The following REDIC1 variants were observed in gnomAD, a reference collection of about 807,000 sequenced individuals.
REDIC1 encodes the protein HEI10 Interacting Protein 1.
chr12:39,875,473 C>T, the REDIC1 span, among the ~76,000 whole-genome samples: 1 of 152,208 alleles, frequency 6.6e-6, no homozygotes, highest in Non-Finnish European at 1.5e-5. Flanking sequence ...ACCTTAATTT[C>T]CTTTTGCCAT....
chr12:39,897,026 C>G, the REDIC1 span, among the ~76,000 whole-genome samples: 5 of 152,134 alleles, frequency 3.3e-5, no homozygotes, highest in African/African-American at 1.2e-4. Flanking sequence ...AAGAGACCAA[C>G]AAGTTCTAAC....
chr12:39,628,315 AT>A, the REDIC1 span, among the ~76,000 whole-genome samples: 5 of 152,130 alleles, frequency 3.3e-5, no homozygotes, highest in African/African-American at 1.2e-4. Context: ...GGGTGTCTCC[AT>A]TTTCTATTTT....
chr12:39,794,018 C>T, the REDIC1 span, among the ~76,000 whole-genome samples: 3 of 149,740 alleles, frequency 2.0e-5, no homozygotes, highest in Non-Finnish European at 4.4e-5. Context: ...CTAATACCTA[C>T]TTTCTTGTTC....
chr12:39,733,586 T>G, the REDIC1 span, among the ~76,000 whole-genome samples: 20 of 152,202 alleles, frequency 1.3e-4, no homozygotes, highest in Non-Finnish European at 2.8e-4. Flanking sequence ...TGCCTTTCTT[T>G]CAGAGATGCC....
the REDIC1 span, among the ~76,000 whole-genome samples, chr12:39,886,593 A>G: frequency 6.6e-6 from 1 of 152,012 alleles, no homozygotes; most frequent in African/African-American, 2.4e-5. Flanking sequence ...TTAGGGAGAT[A>G]TTTCTGAGTT....
At chr12:39,662,325 GT>G in the REDIC1 span, among the ~76,000 whole-genome samples, 1 of 151,894 alleles carries the variant, frequency 6.6e-6, no homozygotes, top group Non-Finnish European at 1.5e-5. Flanking sequence ...AATATTTGTA[GT>G]TTCCTTTGTA....
At chr12:39,808,494 T>C in the REDIC1 span, among the ~76,000 whole-genome samples, 1 of 152,132 alleles carries the variant, frequency 6.6e-6, no homozygotes, top group East Asian at 1.9e-4. Context: ...ATGGAAAAGA[T>C]GTGATTAACT....
chr12:39,846,194 C>T, the REDIC1 span, among the ~76,000 whole-genome samples: 2 of 152,116 alleles, frequency 1.3e-5, no homozygotes, highest in Admixed American at 6.5e-5. Flanking sequence ...TCTAGAAAAA[C>T]CAAGGTGGTG....
At chr12:39,788,474 G>A in the REDIC1 span, 2 of 152,140 alleles carry the variant, frequency 1.3e-5, no homozygotes, top group African/African-American at 4.8e-5. Flanking sequence ...CACATCCCAG[G>A]TGGGACTGAG....
the REDIC1 span, among the ~76,000 whole-genome samples, chr12:39,711,897 A>C: frequency 4.2e-3 from 354 of 83,364 alleles, 7 homozygotes; most frequent in African/African-American, 0.019. Context: ...ATGTGTATAC[A>C]CGTATACACA....
chr12:39,738,151 A>C, the REDIC1 span, among the ~76,000 whole-genome samples: 1 of 152,198 alleles, frequency 6.6e-6, no homozygotes, highest in African/African-American at 2.4e-5. Flanking sequence ...AGAATTTGAC[A>C]TTTTAAATAT....
At chr12:39,721,377 C>T in the REDIC1 span, 2 of 758,154 alleles carry the variant, frequency 2.6e-6, no homozygotes, top group African/African-American at 1.8e-5. Context: ...TGACAGTGTT[C>T]AGGGTGTATA....
At chr12:39,854,022 C>G in the REDIC1 span, among the ~76,000 whole-genome samples, 1 of 151,904 alleles carries the variant, frequency 6.6e-6, no homozygotes, top group Admixed American at 6.6e-5. Context: ...GGGCTTAAAA[C>G]TCTTCTCTTT....
chr12:39,716,870 T>C, the REDIC1 span: 33 of 1,359,406 alleles, frequency 2.4e-5, no homozygotes, highest in Non-Finnish European at 3.2e-5. Context: ...TATTAATACA[T>C]GCTATATTAA....
the REDIC1 span, among the ~76,000 whole-genome samples, chr12:39,636,449 T>C: frequency 6.6e-6 from 1 of 152,214 alleles, no homozygotes; most frequent in East Asian, 1.9e-4. Flanking sequence ...TGCTTTAGTT[T>C]TGTGGAAAGC....
chr12:39,745,219 T>A, the REDIC1 span, among the ~76,000 whole-genome samples: 2 of 152,224 alleles, frequency 1.3e-5, no homozygotes, highest in Non-Finnish European at 1.5e-5. Flanking sequence ...GTTGTCAGTA[T>A]GTCAGTGATT....
the REDIC1 span, among the ~76,000 whole-genome samples, chr12:39,859,133 GA>G: frequency 8.4e-4 from 128 of 152,104 alleles, no homozygotes; most frequent in Non-Finnish European, 1.7e-3. Context: ...ATCTACAGAT[GA>G]AGCCACAGTT....
the REDIC1 span, among the ~76,000 whole-genome samples, chr12:39,846,687 A>G: frequency 6.6e-6 from 1 of 152,102 alleles, no homozygotes; most frequent in Admixed American, 6.6e-5. Flanking sequence ...CCTAGGCTCA[A>G]AAGATCCACT....
the REDIC1 span, among the ~76,000 whole-genome samples, chr12:39,654,780 C>T: frequency 6.6e-6 from 1 of 151,954 alleles, no homozygotes; most frequent in Non-Finnish European, 1.5e-5. Context: ...AGTGTTTCCC[C>T]CTGTTTTATG....
Sources: allele counts gnomAD v4.1 joint callset (sites outside exome capture counted in the v4.1 genomes callset), GRCh38; gene constraint gnomAD v4.1.1; transcripts MANE v1.5; gene names NCBI Gene and HGNC (gene_info 2026-07-23, HGNC 2026-07-21).